Variants in MARCHF8 observed in about 807,000 individuals in gnomAD.
MARCHF8 encodes the protein E3 ubiquitin-protein ligase MARCHF8.
Under a neutral mutation model 51.6 loss-of-function variants are expected in MARCHF8, and 40 were observed. The observed-to-expected ratio is 0.77, with a 90% CI of 0.60 to 1.01. MARCHF8 has a LOEUF of 1.01. MARCHF8 is among the 50% of genes least tolerant of loss of function. MARCHF8 has a pLI of 0.00. For missense variants in MARCHF8, 685 were observed against 708.6 expected, an observed-to-expected ratio of 0.97 and a Z score of 0.38; for synonymous variants, 263 against 280.3, an observed-to-expected ratio of 0.94 and a Z score of 0.62.
At chr10:45,568,608 A>G (rs2044391639) in intron 1 of MARCHF8, among the ~76,000 whole-genome samples, 1 of 151,024 alleles carries the variant, frequency 6.6e-6, no homozygotes, top group African/African-American at 2.4e-5. Context: ...AATCCCAGCT[A>G]CTCGGGAGAC....
In MARCHF8 at chr10:45,544,046, C is replaced by A. The variant is rs183307208; in HGVS notation, c.-78-10757G>T. Reference sequence around the variant, plus strand: ...TCACAACACTGTACTCCATTCTGGGCAACAGCATGAGACCCCGTCTCTAAA... The same window carrying A: ...TCACAACACTGTACTCCATTCTGGGAAACAGCATGAGACCCCGTCTCTAAA... On this transcript the variant is annotated intron_variant, in intron 1 of 6. Coordinates refer to the MARCHF8 transcript ENST00000319836. Among the ~76,000 whole-genome samples the A allele has an allele frequency of 1.6e-3, 238 of 151,852 alleles. 1 individual carries two copies. Among genetic ancestry groups the A allele is most frequent in the African/African-American group, 5.6e-3 (232 of 41,398 alleles).
chr10:45,568,115 C>T (rs113478021), intron 1 of MARCHF8, among the ~76,000 whole-genome samples: 5,403 of 152,180 alleles, frequency 0.036, 143 homozygotes, highest in East Asian at 0.053. Context: ...GATTTTGGTA[C>T]GTTAATTTTG....
intron 1 of MARCHF8, among the ~76,000 whole-genome samples, chr10:45,557,530 C>T (rs1177087276): frequency 2.0e-5 from 3 of 152,154 alleles, no homozygotes; most frequent in African/African-American, 2.4e-5. Context: ...TGACAATATA[C>T]ATTGTGGATC....
chr10:45,550,429 A>T (rs2044181961), intron 1 of MARCHF8, among the ~76,000 whole-genome samples: 1 of 152,148 alleles, frequency 6.6e-6, no homozygotes, highest in South Asian at 2.1e-4. Flanking sequence ...AGGCAATTAT[A>T]CTTCATTTGA....
intron 1 of MARCHF8, among the ~76,000 whole-genome samples, chr10:45,540,722 G>GA (rs1305560714): frequency 1.3e-5 from 2 of 151,916 alleles, no homozygotes; most frequent in Non-Finnish European, 2.9e-5. Context: ...AAATTTACAA[G>GA]AAAAAAACAA....
intron 1 of MARCHF8, among the ~76,000 whole-genome samples, chr10:45,548,372 CCA>C (rs2044152972): frequency 6.6e-6 from 1 of 152,116 alleles, no homozygotes; most frequent in Non-Finnish European, 1.5e-5. Context: ...GGACTCGGCT[CCA>C]GACAGTGCAT....
intron 1 of MARCHF8, among the ~76,000 whole-genome samples, chr10:45,562,959 A>T (rs1285087379): frequency 2.0e-5 from 3 of 148,866 alleles, no homozygotes; most frequent in African/African-American, 2.5e-5. Flanking sequence ...TTTTTTTTTT[A>T]AACCAAACAT....
chr10:45,570,600 T>C (rs1357053753), intron 1 of MARCHF8, among the ~76,000 whole-genome samples: 1 of 152,150 alleles, frequency 6.6e-6, no homozygotes, highest in Non-Finnish European at 1.5e-5. Context: ...TTATATTATA[T>C]AGAAGATCCT....
intron 2 of MARCHF8, among the ~76,000 whole-genome samples, chr10:45,511,967 G>C (rs532675953): frequency 3.6e-4 from 55 of 150,976 alleles, no homozygotes; most frequent in Middle Eastern, 3.4e-3. Context: ...AGTGAGGAGC[G>C]TCTCTGCCCG....
rs191580333 is a variant in MARCHF8, at chr10:45,486,913, G to A, written c.153+2454C>T. Among the ~76,000 whole-genome samples the A allele has an allele frequency of 3.1e-4, 46 of 149,266 alleles. No individual in the cohort carries two copies. In the East Asian group the frequency reaches 7.8e-3, roughly 25 times the overall value. The stretch of plus-strand genomic sequence containing the variant: ...CAACCTCCGCCTCCCAGGTTCAAGC[G>A]ATTCTCCTGCCTCAGCCTCCCAAGC... On this transcript the variant is annotated intron_variant, in intron 3 of 7. Transcript: ENST00000453424.
At chr10:45,580,202 A>C (rs2044539281) in intron 1 of MARCHF8, among the ~76,000 whole-genome samples, 1 of 152,116 alleles carries the variant, frequency 6.6e-6, no homozygotes, top group Admixed American at 6.6e-5. Flanking sequence ...TATAACCACA[A>C]AACGCAATAT....
At chr10:45,581,901 AAC>A (rs2044559899) in intron 1 of MARCHF8, among the ~76,000 whole-genome samples, 1 of 152,104 alleles carries the variant, frequency 6.6e-6, no homozygotes, top group Non-Finnish European at 1.5e-5. Flanking sequence ...TTAAAGGAGT[AAC>A]ATTTTCAAAA....
chr10:45,534,198 A>AC (rs764649726), intron 1 of MARCHF8, among the ~76,000 whole-genome samples: 44 of 84,304 alleles, frequency 5.2e-4, no homozygotes, highest in Non-Finnish European at 9.0e-4. Flanking sequence ...CCTCCCCCCC[A>AC]CCAAAAAAAA....
At chr10:45,459,645 G>T in intron 6 of MARCHF8, 1 of 915,164 alleles carries the variant, frequency 1.1e-6, no homozygotes, top group Non-Finnish European at 1.3e-6. Context: ...GTGCTGACTG[G>T]CATGGACGAG....
At chr10:45,499,788 G>A (rs1356135515) in intron 2 of MARCHF8, among the ~76,000 whole-genome samples, 2 of 152,054 alleles carry the variant, frequency 1.3e-5, no homozygotes, top group African/African-American at 2.4e-5. Flanking sequence ...TATTCCATTG[G>A]TTTCTATGTC....
chr10:45,461,367 G>A lies in MARCHF8; in HGVS notation c.1133C>T (p.Pro378Leu). The A allele has an allele frequency of 6.3e-7, 1 of 1,597,474 alleles. No individual in the cohort carries two copies. Among genetic ancestry groups the A allele is most frequent in the Non-Finnish European group, 8.5e-7 (1 of 1,173,280 alleles). ...EGDDESPLIT[P>L]CHCTGSLHFV... ...GTGGAGGCTTCCTGTGCAGTGGCAG[G>A]GGGTGATCAGGGGGCTCTCATCATC... Residue 378 changes from proline (P) to leucine (L), a missense_variant, in exon 6 of 8, where the codon CCC becomes CTC. Coordinates refer to ENST00000453424, the MANE Select transcript of MARCHF8 (RefSeq NM_001282866.2).
intron 2 of MARCHF8, among the ~76,000 whole-genome samples, chr10:45,532,272 C>T (rs2133275563): frequency 6.6e-6 from 1 of 152,198 alleles, no homozygotes; most frequent in East Asian, 1.9e-4. Context: ...CTACAGTAAA[C>T]CTGCAGTGAG....
intron 3 of MARCHF8, among the ~76,000 whole-genome samples, chr10:45,478,972 G>T (rs1043332265): frequency 6.6e-6 from 1 of 152,222 alleles, no homozygotes. Context: ...AACTGAAGAA[G>T]AGAGAATTCT....
intron 2 of MARCHF8, among the ~76,000 whole-genome samples, chr10:45,521,698 T>C (rs1054907741): frequency 1.3e-5 from 2 of 152,252 alleles, no homozygotes; most frequent in African/African-American, 4.8e-5. Context: ...AATTTACTAT[T>C]TATTATTGTC....
Sources: gnomAD v4.1 joint callset for allele counts (sites outside exome capture counted in the v4.1 genomes callset) on GRCh38, gnomAD v4.1.1 for gene constraint, MANE v1.5 for transcripts, NCBI Gene and HGNC (gene_info 2026-07-23, HGNC 2026-07-21) for gene names.